PCDHA9: variants seen among roughly 807,000 people sequenced by gnomAD.
PCDHA9 encodes the protein protocadherin alpha-9.
PCDHA9 carries 62 observed loss-of-function variants against 62.0 expected under a neutral mutation model. The ratio of observed to expected loss-of-function variants is 1.00; its 90% CI spans 0.81 to 1.23. The LOEUF is 1.23. Among genes scored for constraint, PCDHA9 ranks in the 50% most tolerant of loss-of-function variants. The pLI is 0.00. For missense variants in PCDHA9, 1,205 were observed against 1,249.8 expected, an observed-to-expected ratio of 0.96 and a Z score of 0.54; for synonymous variants, 557 against 567.6, an observed-to-expected ratio of 0.98 and a Z score of 0.27.
At chr5:140,871,809 A>G (rs1489306606) in intron 1 of PCDHA9, among the ~76,000 whole-genome samples, 1 of 152,260 alleles carries the variant, frequency 6.6e-6, no homozygotes. Flanking sequence ...TATTTTCACT[A>G]AAGTACCCAT....
chr5:140,943,505 T>C (rs938907371), intron 1 of PCDHA9, among the ~76,000 whole-genome samples: 13 of 152,106 alleles, frequency 8.5e-5, no homozygotes, highest in Non-Finnish European at 1.8e-4. Flanking sequence ...TCAAGGTTCA[T>C]GGAAATGTTG....
intron 1 of PCDHA9, among the ~76,000 whole-genome samples, chr5:140,914,671 A>G (rs1012780806): frequency 2.6e-5 from 4 of 151,552 alleles, no homozygotes; most frequent in Non-Finnish European, 4.4e-5. Context: ...CTTCTTTTTC[A>G]TGAAAATAAT....
chr5:140,877,637 G>A (rs1554169943), intron 1 of PCDHA9: 1 of 1,613,520 alleles, frequency 6.2e-7, no homozygotes, highest in Non-Finnish European at 8.5e-7. Context: ...ACTGCGCTGC[G>A]TTGCTCAGCG....
intron 1 of PCDHA9, among the ~76,000 whole-genome samples, chr5:140,909,670 G>C (rs940080549): frequency 6.6e-6 from 1 of 152,142 alleles, no homozygotes; most frequent in African/African-American, 2.4e-5. Flanking sequence ...CACTCTACCA[G>C]TCAGGGAGCC....
At position 140,859,297 on chromosome 5, in the gene PCDHA9, G is replaced by A. The variant is rs918204885; in HGVS notation, c.2394+8408G>A. 281 of 128,994 alleles carry A rather than the reference G, an allele frequency of 2.2e-3. 12 individuals are homozygous for A. The highest frequency in any genetic ancestry group is 7.5e-3 in the African/African-American group (274 of 36,598). The allele number at this position is 128,994 out of a possible 1,614,324, so 8.0% of individuals were successfully genotyped here. A position where few individuals can be genotyped will look rare whatever the true frequency, so the allele number is the denominator to read the frequency against. On this transcript the variant is annotated intron_variant, in intron 1 of 3. Coordinates refer to ENST00000532602, the MANE Select transcript of PCDHA9 (RefSeq NM_031857.2). Reference sequence around the variant, plus strand: ...TACTTTTGAGACTGAAAATACTTTAGTATGAATTAATATTAAAAGTTTGAG... The same window carrying A: ...TACTTTTGAGACTGAAAATACTTTAATATGAATTAATATTAAAAGTTTGAG...
intron 1 of PCDHA9, among the ~76,000 whole-genome samples, chr5:140,952,639 G>C (rs2094775564): frequency 6.6e-6 from 1 of 152,102 alleles, no homozygotes; most frequent in Non-Finnish European, 1.5e-5. Flanking sequence ...ATTCCAACCT[G>C]TGCCTGGTTA....
chr5:140,911,444 C>T (rs13161603), intron 1 of PCDHA9, among the ~76,000 whole-genome samples: 2,752 of 152,248 alleles, frequency 0.018, 47 homozygotes, highest in South Asian at 0.1. Context: ...CCCGCAATTT[C>T]AGCTCTTTCT....
intron 1 of PCDHA9, among the ~76,000 whole-genome samples, chr5:140,888,814 T>C (rs1052564071): frequency 6.6e-6 from 1 of 152,126 alleles, no homozygotes; most frequent in Non-Finnish European, 1.5e-5. Context: ...TGATCTGTGA[T>C]CTGTGATCAC....
At chr5:140,941,214 C>CTTCCTTTCTTTCTTTCTTTCTTT (rs1554214039) in intron 1 of PCDHA9, among the ~76,000 whole-genome samples, 1 of 122,414 alleles carries the variant, frequency 8.2e-6, no homozygotes. Flanking sequence ...TTTCTTTCTT[C>CTTCCTTTCTTTCTTTCTTTCTTT]CTTTCTTTCT....
rs369328632 is a variant in PCDHA9, at chr5:140,856,073, G to A, written c.2394+5184G>A. On this transcript the variant is annotated intron_variant, in intron 1 of 3. Transcript: ENST00000532602. ...GATGGTTTCCAGATGTAGCTGCCTG[G>A]GGGTCCAGTGTCTGCTGCTCTCGCT... The A allele has an allele frequency of 1.9e-6, 3 of 1,592,028 alleles. 1 individual carries two copies. Among genetic ancestry groups the A allele is most frequent in the Non-Finnish European group, 2.6e-6 (3 of 1,163,816 alleles).
At chr5:140,993,023 G>C (rs2097537603) in intron 3 of PCDHA9, among the ~76,000 whole-genome samples, 1 of 152,146 alleles carries the variant, frequency 6.6e-6, no homozygotes. Flanking sequence ...AGCATCCCCT[G>C]TGGGCTCCGT....
At chr5:141,004,080 A>G (rs1554259443) in intron 3 of PCDHA9, among the ~76,000 whole-genome samples, 1 of 152,198 alleles carries the variant, frequency 6.6e-6, no homozygotes, top group Non-Finnish European at 1.5e-5. Context: ...TAGGGGTAGA[A>G]ATGTGCTTCT....
At chr5:140,870,619 T>C in intron 1 of PCDHA9, 1 of 1,613,150 alleles carries the variant, frequency 6.2e-7, no homozygotes, top group Middle Eastern at 1.7e-4. Flanking sequence ...GCTGTCGAGC[T>C]ACGTGTCGGT....
chr5:140,856,008 G>A, intron 1 of PCDHA9: 1 of 1,542,308 alleles, frequency 6.5e-7, no homozygotes, highest in Middle Eastern at 1.7e-4. Flanking sequence ...GTGCGTTCTA[G>A]ACCGCTGATT....
At chr5:140,969,982 G>A (rs1327490843) in intron 1 of PCDHA9, among the ~76,000 whole-genome samples, 1 of 152,184 alleles carries the variant, frequency 6.6e-6, no homozygotes, top group Non-Finnish European at 1.5e-5. Context: ...CAACTCTTCT[G>A]TAGAGGGCTG....
chr5:140,917,955 C>T (rs1439909877), intron 1 of PCDHA9, among the ~76,000 whole-genome samples: 1 of 151,916 alleles, frequency 6.6e-6, no homozygotes, highest in Admixed American at 6.6e-5. Context: ...TTGATAGGAA[C>T]ATCATTGAAT....
At chr5:140,861,412 C>T (rs371672031) in intron 1 of PCDHA9, 62 of 474,038 alleles carry the variant, frequency 1.3e-4, no homozygotes, top group African/African-American at 1.1e-3. Flanking sequence ...GAGCTGATAC[C>T]GCGCCTGTTT....
chr5:141,002,335 ACC>A (rs1554258611), intron 3 of PCDHA9, among the ~76,000 whole-genome samples: 81 of 152,230 alleles, frequency 5.3e-4, no homozygotes, highest in African/African-American at 2.0e-3. Flanking sequence ...CTGCATCCGC[ACC>A]CCTTCCCCCA....
At chr5:140,854,065 G>T in intron 1 of PCDHA9, 1 of 276,218 alleles carries the variant, frequency 3.6e-6, no homozygotes, top group Non-Finnish European at 5.5e-6. Context: ...AGGAGGCTGA[G>T]GCGAGAGAAT....
Sources: allele counts gnomAD v4.1 joint callset (sites outside exome capture counted in the v4.1 genomes callset), GRCh38; gene constraint gnomAD v4.1.1; transcripts MANE v1.5; gene names NCBI Gene and HGNC (gene_info 2026-07-23, HGNC 2026-07-21).